Variants in ZNF704 observed in about 807,000 individuals in gnomAD.
ZNF704 encodes glucocorticoid induced gene 1.
Under a neutral mutation model 44.7 loss-of-function variants are expected in ZNF704, and 10 were observed. The ratio of observed to expected loss-of-function variants is 0.22; its 90% CI spans 0.14 to 0.38. The LOEUF (loss-of-function observed/expected upper bound fraction) is 0.38. Among genes scored for constraint, ZNF704 ranks in the 10% least tolerant of loss-of-function variants. ZNF704 has a pLI of 1.00. For missense variants in ZNF704, 390 were observed against 545.5 expected (o/e 0.71, Z 2.84); for synonymous variants, 211 against 207.6 (o/e 1.02, Z -0.14).
chr8:80,780,136 A>T (rs187527387), intron 2 of ZNF704, among the ~76,000 whole-genome samples: 3 of 152,084 alleles, frequency 2.0e-5, no homozygotes, highest in East Asian at 3.9e-4. Context: ...TTCAGAGAGA[A>T]GGGAGGAGCA....
At chr8:80,750,632 C>T (rs1407210499) in intron 2 of ZNF704, among the ~76,000 whole-genome samples, 1 of 152,044 alleles carries the variant, frequency 6.6e-6, no homozygotes, top group African/African-American at 2.4e-5. Context: ...TCTCCTGCCT[C>T]AGCCTCCCGA....
At chr8:80,754,314 C>G (rs1806999353) in intron 2 of ZNF704, among the ~76,000 whole-genome samples, 1 of 152,170 alleles carries the variant, frequency 6.6e-6, no homozygotes, top group Admixed American at 6.5e-5. Flanking sequence ...TTCCTCCGCA[C>G]TGGTATGTGC....
chr8:80,702,451 G>T (rs1053996938), intron 2 of ZNF704, among the ~76,000 whole-genome samples: 5 of 152,222 alleles, frequency 3.3e-5, no homozygotes, highest in African/African-American at 1.2e-4. Flanking sequence ...GGGTCTGATG[G>T]CTGTGCCAGA....
chr8:80,718,676 C>T (rs981008730), intron 2 of ZNF704, among the ~76,000 whole-genome samples: 1 of 152,186 alleles, frequency 6.6e-6, no homozygotes, highest in African/African-American at 2.4e-5. Flanking sequence ...GAAGCCCAGA[C>T]CTGCCAAGTC....
At chr8:80,692,894 T>G in intron 3 of ZNF704, 110 bp downstream of exon 3, 1 of 934,814 alleles carries the variant, frequency 1.1e-6, no homozygotes, top group Middle Eastern at 3.3e-4. Context: ...TTCCTGCTAA[T>G]GGGTGAGGGT....
chr8:80,821,258 G>T, intron 2 of ZNF704, 116 bp downstream of exon 2: 2 of 1,135,040 alleles, frequency 1.8e-6, no homozygotes, highest in Non-Finnish European at 2.6e-6. Context: ...AAATTTCTTG[G>T]CAGAAAACCT....
upstream of ZNF704, among the ~76,000 whole-genome samples, chr8:80,878,085 G>A (rs913696367): frequency 1.4e-4 from 21 of 152,212 alleles, no homozygotes; most frequent in Middle Eastern, 3.4e-3. Flanking sequence ...GCACTGCTGC[G>A]GAAGAACGAG....
chr8:80,674,801 T>C (rs966871852), intron 4 of ZNF704, among the ~76,000 whole-genome samples: 2 of 152,178 alleles, frequency 1.3e-5, no homozygotes, highest in Admixed American at 6.5e-5. Flanking sequence ...GTCCTCACAC[T>C]ACAAATGCTT....
At chr8:80,645,778 G>A (rs565525357) in intron 7 of ZNF704, among the ~76,000 whole-genome samples, 1 of 152,184 alleles carries the variant, frequency 6.6e-6, no homozygotes, top group East Asian at 1.9e-4. Context: ...CCTATCTCAG[G>A]TATTTCTTTA....
At chr8:80,872,542 A>G (rs1004122417) in intron 1 of ZNF704, among the ~76,000 whole-genome samples, 4 of 152,028 alleles carry the variant, frequency 2.6e-5, no homozygotes, top group Admixed American at 1.3e-4. Context: ...ACTCTGGTAA[A>G]ATGTTATTCA....
chr8:80,723,361 C>T (rs931735145), intron 2 of ZNF704, among the ~76,000 whole-genome samples: 2 of 151,874 alleles, frequency 1.3e-5, no homozygotes, highest in African/African-American at 4.8e-5. Flanking sequence ...CAGAAAAAAA[C>T]GTTAAACCGT....
At chr8:80,716,545 A>G (rs1257545440) in intron 2 of ZNF704, among the ~76,000 whole-genome samples, 1 of 152,206 alleles carries the variant, frequency 6.6e-6, no homozygotes, top group Non-Finnish European at 1.5e-5. Context: ...TAAACATTAT[A>G]ACTGATACTG....
chr8:80,848,806 TA>T (rs113186294), intron 1 of ZNF704, among the ~76,000 whole-genome samples: 1,801 of 147,450 alleles, frequency 0.012, 32 homozygotes, highest in African/African-American at 0.042. Context: ...AAGAAAAGGT[TA>T]AAAAAAAAAG....
chr8:80,772,866 T>C (rs920672475), intron 2 of ZNF704, among the ~76,000 whole-genome samples: 6 of 152,214 alleles, frequency 3.9e-5, no homozygotes, highest in African/African-American at 1.4e-4. Context: ...CTTTGATTAT[T>C]GATTTGAGAC....
At chr8:80,873,587 G>A (rs1182095844) in intron 1 of ZNF704, 1 of 151,654 alleles carries the variant, frequency 6.6e-6, no homozygotes, top group Non-Finnish European at 1.5e-5. Flanking sequence ...TGCGTGGCCG[G>A]GTCCGAGGGG....
chr8:80,645,017 C>T (rs944466664), intron 7 of ZNF704: 5 of 1,246,914 alleles, frequency 4.0e-6, no homozygotes, highest in South Asian at 2.4e-5. Flanking sequence ...GGACCCATCC[C>T]TGACTCTGCT....
chr8:80,723,213 TA>T (rs1338068563), intron 2 of ZNF704, among the ~76,000 whole-genome samples: 2 of 152,240 alleles, frequency 1.3e-5, no homozygotes, highest in Non-Finnish European at 2.9e-5. Context: ...AAATGAATTT[TA>T]AAAGCTCCTC....
At chr8:80,719,694 T>C (rs1403032075) in intron 2 of ZNF704, among the ~76,000 whole-genome samples, 1 of 152,180 alleles carries the variant, frequency 6.6e-6, no homozygotes, top group Non-Finnish European at 1.5e-5. Flanking sequence ...TTCATGGATG[T>C]TTCACACAGA....
chr8:80,800,629 C>G (rs190772621), intron 2 of ZNF704, among the ~76,000 whole-genome samples: 1 of 152,104 alleles, frequency 6.6e-6, no homozygotes, highest in Non-Finnish European at 1.5e-5. Flanking sequence ...TTCATCACCA[C>G]CAGGCCTGCC....
Sources: allele counts gnomAD v4.1 joint callset (sites outside exome capture counted in the v4.1 genomes callset), GRCh38; gene constraint gnomAD v4.1.1; transcripts MANE v1.5; gene names NCBI Gene and HGNC (gene_info 2026-07-23, HGNC 2026-07-21).